HTR3A: variants seen among roughly 807,000 people sequenced by gnomAD.
HTR3A encodes the protein 5-hydroxytryptamine (serotonin) receptor 3A, ionotropic.
A neutral mutation model predicts 54.8 loss-of-function variants in HTR3A; 45 were observed. That is an observed-to-expected ratio of 0.82 (90% CI 0.65 to 1.05). HTR3A has a LOEUF of 1.05. Among genes scored for constraint, HTR3A ranks in the 50% least tolerant of loss-of-function variants. The pLI is 0.00. For missense variants in HTR3A, 657 were observed against 614.0 expected, an observed-to-expected ratio of 1.07 and a Z score of -0.74; for synonymous variants, 297 against 256.0, an observed-to-expected ratio of 1.16 and a Z score of -1.53.
At position 113,989,613 on chromosome 11, in the gene HTR3A, G is replaced by A. The variant is rs748380664; in HGVS notation, c.1287G>A (p.Leu429=). 2.5e-6 allele frequency: 4 copies of A among 1,614,070 alleles called. No individual in the cohort carries two copies. The highest frequency in any genetic ancestry group is 3.4e-6 in the Non-Finnish European group (4 of 1,180,034). The change falls in exon 9 of 9, where the codon CTG becomes CTA. Residue 429 remains leucine (L), a synonymous_variant. Coordinates refer to ENST00000504030, the MANE Select transcript of HTR3A (RefSeq NM_000869.6). The surrounding 1 kb of genome is among the most constrained non-coding windows in gnomAD (Gnocchi z 4.4). The part of the protein sequence containing the change: ...LQELSSIRQF[L]EKRDEIREVA... ...AGCTGTCCTCCATCCGGCAATTCCT[G>A]GAAAAGCGGGATGAGATCCGAGAGG...
At chr11:113,983,955 G>C (rs544246246) in intron 5 of HTR3A, among the ~76,000 whole-genome samples, 3 of 152,224 alleles carry the variant, frequency 2.0e-5, no homozygotes, top group Non-Finnish European at 4.4e-5. Context: ...CTCTTGAGCT[G>C]ACTGCCACAG....
At chr11:113,985,711 GTGTT>G (rs531258862) in intron 5 of HTR3A, among the ~76,000 whole-genome samples, 1 of 152,058 alleles carries the variant, frequency 6.6e-6, no homozygotes, top group South Asian at 2.1e-4. Context: ...GTGTGTGTGT[GTGTT>G]TGTGTGTGTG....
Position 113,975,303 on chromosome 11 carries a change from C to A in HTR3A, c.-23C>A. On this transcript the variant is annotated 5_prime_UTR_variant, in exon 1 of 9. Transcript: ENST00000504030. The stretch of plus-strand genomic sequence containing the variant: ...GCCTCGTCCTGAGCACTCGGAGGCA[C>A]TCCTATGCTTGGAAAGCTCGCTATG... 1 of 1,613,138 alleles carries A rather than the reference C, an allele frequency of 6.2e-7. No individual in the cohort carries two copies. Among genetic ancestry groups the A allele is most frequent in the Non-Finnish European group, 8.5e-7 (1 of 1,179,874 alleles).
rs552113265 is a variant in HTR3A at position 113,989,778 on chromosome 11, G to A, written c.*15G>A. The stretch of plus-strand genomic sequence containing the variant: ...AGTACGCTTGAGTGGGTACAGCCCA[G>A]TGGAGGAGGGGGTACAGTCCTGGTT... On this transcript the variant is annotated 3_prime_UTR_variant, in exon 9 of 9. Transcript: ENST00000504030. The surrounding 1 kb of genome is among the most constrained non-coding windows in gnomAD (Gnocchi z 4.4). 19 of 1,605,830 alleles carry A rather than the reference G, an allele frequency of 1.2e-5. No individual in the cohort carries two copies. In the South Asian group the frequency reaches 2.0e-4, roughly 17 times the overall value.
At chr11:113,976,027 G>T (rs929455125) in intron 1 of HTR3A, among the ~76,000 whole-genome samples, 1 of 152,100 alleles carries the variant, frequency 6.6e-6, no homozygotes, top group African/African-American at 2.4e-5. Flanking sequence ...GGGTGTTTTA[G>T]CCACAAAGGG....
chr11:113,981,034 G>A lies in HTR3A; in HGVS notation c.265-169G>A, dbSNP rs1312025855. The stretch of plus-strand genomic sequence containing the variant: ...GAGGCAGAGTGTGAATGAAGAGGTG[G>A]GGGGACTCTCAGTTACTGCTGAGGG... On this transcript the variant is annotated intron_variant, in intron 3 of 8. Coordinates refer to ENST00000504030, the MANE Select transcript of HTR3A (RefSeq NM_000869.6). 6.2e-6 allele frequency: 4 copies of A among 643,324 alleles called. No individual in the cohort carries two copies. The East Asian group carries it at 1.1e-4, about 18-fold the overall frequency. 39.9% of individuals were successfully genotyped at this position (643,324 alleles called of 1,614,324 possible). A position where few individuals can be genotyped will look rare whatever the true frequency, so the allele number is the denominator to read the frequency against.
At chr11:113,982,349 G>A (rs78500563) in intron 4 of HTR3A, among the ~76,000 whole-genome samples, 3 of 152,222 alleles carry the variant, frequency 2.0e-5, no homozygotes, top group East Asian at 1.9e-4. Flanking sequence ...TTTTCCAAGG[G>A]GGTAGTTGAC....
At chr11:113,978,260 C>T (rs1371906110) in intron 2 of HTR3A, among the ~76,000 whole-genome samples, 1 of 152,190 alleles carries the variant, frequency 6.6e-6, no homozygotes, top group East Asian at 1.9e-4. Context: ...CAGTGCCTTA[C>T]ACACATCCCT....
chr11:113,986,460 T>C (rs1038287499), intron 6 of HTR3A, 58 bp from the exon 7 acceptor site: 26 of 1,588,196 alleles, frequency 1.6e-5, no homozygotes, highest in Non-Finnish European at 2.0e-5. Context: ...TGTGGGGTGG[T>C]TCCTGGGAGC....
chr11:113,975,921 C>A (rs867017084), intron 1 of HTR3A, among the ~76,000 whole-genome samples: 3 of 152,162 alleles, frequency 2.0e-5, no homozygotes, highest in Admixed American at 6.5e-5. Flanking sequence ...TCTGGGCCTG[C>A]GGTTCCCCAA....
intron 2 of HTR3A, among the ~76,000 whole-genome samples, 187 bp from the exon 3 acceptor site, chr11:113,979,046 C>G (rs960179059): frequency 6.6e-6 from 1 of 152,164 alleles, no homozygotes; most frequent in Non-Finnish European, 1.5e-5. Flanking sequence ...CTCTAGTGAA[C>G]AACTAACTTT....
At chr11:113,978,101 C>A (rs1486774439) in intron 2 of HTR3A, among the ~76,000 whole-genome samples, 179 bp downstream of exon 2, 1 of 152,158 alleles carries the variant, frequency 6.6e-6, no homozygotes. Flanking sequence ...AAACCAGAAA[C>A]CTGGGGTCAC....
chr11:113,984,944 T>C (rs1816043321), intron 5 of HTR3A, among the ~76,000 whole-genome samples: 1 of 150,084 alleles, frequency 6.7e-6, no homozygotes, highest in Non-Finnish European at 1.5e-5. Context: ...AAAAAAGGCA[T>C]CCCCCACTTC....
Position 113,979,382 on chromosome 11 carries a change from CTGAGGGGCA to C in HTR3A, c.264+106_264+114del, listed in dbSNP as rs1438546484. 5.2e-5 allele frequency: 44 copies of C among 842,542 alleles called. 1 individual carries two copies. The African/African-American group carries it at 6.8e-4, about 13-fold the overall frequency. 52.2% of individuals were successfully genotyped at this position (842,542 alleles called of 1,614,324 possible). ...TGGCGAGGGAAGGTGAGCGGAGAGGCTGAGGGGCACCCTCAGCCTGAGATCCAGGAGTGT... is the reference window on the plus strand; with the variant it reads ...TGGCGAGGGAAGGTGAGCGGAGAGGCCCCTCAGCCTGAGATCCAGGAGTGT... On this transcript the variant is annotated intron_variant, in intron 3 of 8. Transcript: ENST00000504030.
chr11:113,975,412 C>T lies in HTR3A; in HGVS notation c.67+20C>T. The stretch of plus-strand genomic sequence containing the variant: ...GAGAAGGTAAGCAGACTTCGGGAAG[C>T]AGCAGGACTTGGCTGACCATCTGCT... On this transcript the variant is annotated intron_variant, in intron 1 of 8. Transcript: ENST00000504030. 1 of 1,603,504 alleles carries T rather than the reference C, an allele frequency of 6.2e-7. No individual in the cohort carries two copies.
chr11:113,989,530 T>C lies in HTR3A; in HGVS notation c.1204T>C (p.Cys402Arg). The change falls in exon 9 of 9, where the codon TGT becomes CGT. Residue 402 changes from cysteine (C) to arginine (R), a missense_variant. By Grantham distance (180) the Cys-to-Arg change is radical. Transcript: ENST00000504030. The surrounding 1 kb of genome is among the most constrained non-coding windows in gnomAD (Gnocchi z 4.4). ...CTTCGAGAAGAGCCCGAGGGACAGA[T>C]GTAGCCCTCCCCCACCACCTCGGGA... ...QDFEKSPRDRCSPPPPPREAS... is the reference protein window; with the variant it reads ...QDFEKSPRDRRSPPPPPREAS... The C allele has an allele frequency of 6.2e-7, 1 of 1,614,042 alleles. No individual in the cohort carries two copies. Among genetic ancestry groups the C allele is most frequent in the Non-Finnish European group, 8.5e-7 (1 of 1,180,002 alleles).
rs760780595 is a variant in HTR3A at position 113,989,423 on chromosome 11, C to A, written c.1139-42C>A. 4 of 1,610,992 alleles carry A rather than the reference C, an allele frequency of 2.5e-6. 1 individual carries two copies. The South Asian group carries it at 3.3e-5, about 13-fold the overall frequency. On this transcript the variant is annotated intron_variant, in intron 8 of 8. Coordinates refer to ENST00000504030, the MANE Select transcript of HTR3A (RefSeq NM_000869.6). This position sits in a 1 kb window ranked among gnomAD's most constrained non-coding sequence, Gnocchi z 4.4. ...TAAGGAACCATGTTCAGGTCACCAC[C>A]CGGGGTCTCCCTCTCTTGCCAATGC...
At position 113,986,454 on chromosome 11, in the gene HTR3A, G is replaced by A. The variant is rs1950492223; in HGVS notation, c.706-64G>A. 8 of 1,565,462 alleles carry A rather than the reference G, an allele frequency of 5.1e-6. No individual in the cohort carries two copies. In the South Asian group the frequency reaches 7.8e-5, roughly 15 times the overall value. ...ATAAAACAAGGAATCTGAGCTTGTGGGGTGGTTCCTGGGAGCAGAGCCTGT... is the reference window on the plus strand; with the variant it reads ...ATAAAACAAGGAATCTGAGCTTGTGAGGTGGTTCCTGGGAGCAGAGCCTGT... On this transcript the variant is annotated intron_variant, in intron 6 of 8. Transcript: ENST00000504030.
rs149663861 is a variant in HTR3A at position 113,986,702 on chromosome 11, C to T, written c.890C>T (p.Ala297Val). 1.9e-6 allele frequency: 3 copies of T among 1,614,064 alleles called. No individual in the cohort carries two copies. In the African/African-American group the frequency reaches 4.0e-5, roughly 22 times the overall value. Residue 297 changes from alanine (A) to valine (V), a missense_variant, in exon 7 of 9, where the codon GCC becomes GTC. Physicochemically the swap from Ala to Val is moderately conservative, Grantham distance 64 (BLOSUM62 0). Coordinates refer to ENST00000504030, the MANE Select transcript of HTR3A (RefSeq NM_000869.6). ...ATCATCGTTTCTGACACGCTGCCGG[C>T]CACTGCCATCGGCACTCCTCTCATT... The part of the protein sequence containing the change: ...FLIIVSDTLP[A>V]TAIGTPLIGV...
Sources: gnomAD v4.1 joint callset for allele counts (sites outside exome capture counted in the v4.1 genomes callset) on GRCh38, gnomAD v4.1.1 for gene constraint, Gnocchi (gnomAD v3.1) non-coding constraint, MANE v1.5 for transcripts, NCBI Gene and HGNC (gene_info 2026-07-23, HGNC 2026-07-21) for gene names.